IMPG2: variants seen among roughly 807,000 people sequenced by gnomAD.
IMPG2 encodes the protein IPM 200.
Under a neutral mutation model 129.2 loss-of-function variants are expected in IMPG2, and 91 were observed. The observed-to-expected ratio is 0.70, with a 90% CI of 0.59 to 0.84. The LOEUF (loss-of-function observed/expected upper bound fraction) is 0.84, where lower values mean the gene tolerates loss of function less well. Among genes scored for constraint, IMPG2 ranks in the 40% least tolerant of loss-of-function variants. IMPG2 has a pLI of 0.00. For missense variants in IMPG2, 1,430 were observed against 1,461.7 expected, an observed-to-expected ratio of 0.98 and a Z score of 0.35; for synonymous variants, 510 against 517.7, an observed-to-expected ratio of 0.99 and a Z score of 0.20.
At chr3:101,227,670 C>T (rs1416968436) in intron 18 of IMPG2, 3 of 375,410 alleles carry the variant, frequency 8.0e-6, no homozygotes, top group Admixed American at 6.4e-5. Context: ...GTTTAAAAGG[C>T]AGACGCCTGG....
intron 18 of IMPG2, 30 bp from the exon 19 acceptor site, chr3:101,227,011 T>G: frequency 6.3e-7 from 1 of 1,577,654 alleles, no homozygotes; most frequent in East Asian, 2.3e-5. Context: ...AGCAATTCAG[T>G]AAAAAAAAAG....
intron 9 of IMPG2, among the ~76,000 whole-genome samples, chr3:101,258,319 T>C (rs1559647123): frequency 6.6e-6 from 1 of 152,122 alleles, no homozygotes. Context: ...TTTTCTAATA[T>C]GACAGTTCTT....
chr3:101,267,179 T>C (rs1164658978), intron 9 of IMPG2, among the ~76,000 whole-genome samples: 2 of 152,228 alleles, frequency 1.3e-5, no homozygotes, highest in Non-Finnish European at 2.9e-5. Flanking sequence ...AAGAACAATA[T>C]TTTGTGACAT....
At chr3:101,313,549 A>T (rs955549749) in intron 2 of IMPG2, among the ~76,000 whole-genome samples, 1 of 152,118 alleles carries the variant, frequency 6.6e-6, no homozygotes, top group African/African-American at 2.4e-5. Context: ...CTAGTGGTGG[A>T]AGGGAAAAAT....
intron 2 of IMPG2, among the ~76,000 whole-genome samples, chr3:101,304,772 A>C (rs943737002): frequency 1.4e-4 from 22 of 152,264 alleles, no homozygotes; most frequent in African/African-American, 5.3e-4. Flanking sequence ...TGACGTTTAT[A>C]AATGGCCTGG....
At chr3:101,249,265 AC>A (rs1706518654) in intron 11 of IMPG2, among the ~76,000 whole-genome samples, 1 of 152,098 alleles carries the variant, frequency 6.6e-6, no homozygotes, top group African/African-American at 2.4e-5. Flanking sequence ...TACTGTTGAG[AC>A]CCTGGATGAG....
chr3:101,308,548 C>G (rs1390862200), intron 2 of IMPG2, among the ~76,000 whole-genome samples: 1 of 152,240 alleles, frequency 6.6e-6, no homozygotes, highest in Non-Finnish European at 1.5e-5. Flanking sequence ...GGCTGGCACA[C>G]AGGGCACCAA....
At chr3:101,244,918 A>G in intron 12 of IMPG2, 131 bp from the exon 13 acceptor site, 4 of 725,024 alleles carry the variant, frequency 5.5e-6, no homozygotes, top group Middle Eastern at 3.8e-4. Flanking sequence ...TTGCTTTTCT[A>G]TATCTAGCAA....
intron 7 of IMPG2, among the ~76,000 whole-genome samples, chr3:101,272,122 T>C (rs2317584): frequency 0.012 from 1,557 of 133,496 alleles, 24 homozygotes; most frequent in African/African-American, 0.042. Context: ...CACACACACA[T>C]ACACACACAC....
chr3:101,294,254 C>G (rs1239509614), intron 3 of IMPG2, among the ~76,000 whole-genome samples: 5 of 151,842 alleles, frequency 3.3e-5, no homozygotes, highest in Non-Finnish European at 7.4e-5. Context: ...GCCCCCACCC[C>G]CCGACTAGCC....
intron 9 of IMPG2, among the ~76,000 whole-genome samples, chr3:101,258,279 T>C (rs1341588672): frequency 1.3e-5 from 2 of 152,168 alleles, no homozygotes; most frequent in Non-Finnish European, 2.9e-5. Context: ...AATTGATGAT[T>C]ATTTTCCTTT....
At chr3:101,302,154 C>T (rs192212496) in intron 3 of IMPG2, among the ~76,000 whole-genome samples, 29 of 152,328 alleles carry the variant, frequency 1.9e-4, no homozygotes, top group African/African-American at 6.3e-4. Flanking sequence ...CTAGGCAACA[C>T]ATCATTCCCT....
At chr3:101,307,499 C>T (rs557361260) in intron 2 of IMPG2, among the ~76,000 whole-genome samples, 2 of 152,222 alleles carry the variant, frequency 1.3e-5, no homozygotes, top group African/African-American at 2.4e-5. Context: ...GCAAACACAT[C>T]CTTCTTCACA....
At position 101,228,800 on chromosome 3, in the gene IMPG2, T is replaced by G. The variant is rs1159624161; in HGVS notation, c.3710A>C (p.Gln1237Pro). 3 of 1,613,184 alleles carry G rather than the reference T, an allele frequency of 1.9e-6. No homozygotes were observed. The Admixed American group carries it at 5.0e-5, about 27-fold the overall frequency. ...PEFAAFVREQ[Q>P]VEEV ...GGGGGCTGTTTCAAAAGCTTACACT[T>G]GTTGCTCTCTCACAAAAGCTGCAAA... Residue 1237 changes from glutamine to proline, a missense_variant, in exon 18 of 19, where the codon CAA (glutamine) becomes CCA (proline). Gln to Pro is a moderately conservative substitution (Grantham distance 76). Coordinates refer to ENST00000193391, the MANE Select transcript of IMPG2 (RefSeq NM_016247.4).
chr3:101,270,945 C>T (rs1706776417), intron 7 of IMPG2, among the ~76,000 whole-genome samples: 1 of 152,092 alleles, frequency 6.6e-6, no homozygotes, highest in Non-Finnish European at 1.5e-5. Flanking sequence ...TGGACCTTGG[C>T]AACATCTCTG....
chr3:101,296,974 C>G (rs899620905), intron 3 of IMPG2, among the ~76,000 whole-genome samples: 1 of 152,192 alleles, frequency 6.6e-6, no homozygotes, highest in Admixed American at 6.5e-5. Flanking sequence ...GTGATCTCGG[C>G]TCACTGCAAG....
chr3:101,253,850 C>T, intron 10 of IMPG2, 69 bp from the exon 11 acceptor site: 5 of 1,067,708 alleles, frequency 4.7e-6, no homozygotes, highest in Non-Finnish European at 7.1e-6. Context: ...GCAGGGACAA[C>T]TGAAAGTCAA....
rs565647864 is a variant in IMPG2, at chr3:101,268,837, T to C, written c.887+678A>G. 2.6e-5 allele frequency among the ~76,000 whole-genome samples: 4 copies of C among 152,248 alleles called. No individual in the cohort carries two copies. The South Asian group carries it at 8.3e-4, about 32-fold the overall frequency. ...GTCAGCTGCTCTGTTTCAAAATTCC[T>C]CCTCCACCCCAGTTTACAAACTCTT... On this transcript the variant is annotated intron_variant, in intron 8 of 18. Coordinates refer to ENST00000193391, the MANE Select transcript of IMPG2 (RefSeq NM_016247.4).
intron 18 of IMPG2, 47 bp from the exon 19 acceptor site, chr3:101,227,028 T>C (rs761687323): frequency 6.3e-7 from 1 of 1,592,248 alleles, no homozygotes; most frequent in Non-Finnish European, 8.6e-7. Context: ...AAAGCAAGAA[T>C]GTAATAAAAT....
Sources: gnomAD v4.1 joint callset for allele counts (sites outside exome capture counted in the v4.1 genomes callset) on GRCh38, gnomAD v4.1.1 for gene constraint, MANE v1.5 for transcripts, NCBI Gene and HGNC (gene_info 2026-07-23, HGNC 2026-07-21) for gene names.